The following C12orf50 variants were observed in gnomAD, a reference collection of about 807,000 sequenced individuals.
C12orf50 encodes uncharacterized protein C12orf50.
C12orf50 carries 35 observed loss-of-function variants against 61.6 expected under a neutral mutation model. The ratio of observed to expected loss-of-function variants is 0.57; its 90% CI spans 0.43 to 0.75. The LOEUF is 0.75. Among genes scored for constraint, C12orf50 ranks in the 30% least tolerant of loss-of-function variants. The pLI is 0.00. For synonymous variants in C12orf50, 178 were observed against 161.5 expected (o/e 1.10, Z -0.77); for missense variants, 475 against 488.5 (o/e 0.97, Z 0.26).
intron 3 of C12orf50, among the ~76,000 whole-genome samples, chr12:88,008,966 C>A (rs2031995471): frequency 6.6e-6 from 1 of 152,114 alleles, no homozygotes; most frequent in Admixed American, 6.5e-5. Flanking sequence ...TTAAATACAT[C>A]CTTACTCACC....
At chr12:87,984,706 T>C (rs1015972217) in intron 11 of C12orf50, 1 of 152,232 alleles carries the variant, frequency 6.6e-6, no homozygotes, top group African/African-American at 2.4e-5. Context: ...TCTCAAAGCA[T>C]GATCCGTAAT....
intron 12 of C12orf50, among the ~76,000 whole-genome samples, chr12:87,982,628 G>A (rs757450519): frequency 5.9e-5 from 9 of 152,082 alleles, no homozygotes; most frequent in African/African-American, 1.2e-4. Context: ...CTCCCAGAGC[G>A]CAGAGTTCCA....
chr12:87,989,953 C>G (rs1169174228), intron 7 of C12orf50, among the ~76,000 whole-genome samples: 1 of 152,102 alleles, frequency 6.6e-6, no homozygotes, highest in Non-Finnish European at 1.5e-5. Flanking sequence ...GAATCTGACC[C>G]TTTACTGAGT....
intron 12 of C12orf50, 147 bp from the exon 13 acceptor site, chr12:87,980,503 A>C: frequency 1.4e-6 from 1 of 701,654 alleles, no homozygotes; most frequent in Middle Eastern, 3.7e-4. Context: ...TCAAAATGCC[A>C]TTCAAATAGT....
At chr12:88,018,275 A>C (rs1363403037) in intron 3 of C12orf50, among the ~76,000 whole-genome samples, 2 of 152,188 alleles carry the variant, frequency 1.3e-5, no homozygotes, top group East Asian at 3.9e-4. Flanking sequence ...GATACAGCTC[A>C]GGCCGTGGTT....
At chr12:87,982,882 G>GT (rs2030579945) in intron 12 of C12orf50, among the ~76,000 whole-genome samples, 1 of 151,202 alleles carries the variant, frequency 6.6e-6, no homozygotes, top group South Asian at 2.1e-4. Context: ...GTATAAAAAC[G>GT]TTTTTGGGTA....
chr12:87,994,584 T>C, intron 7 of C12orf50, 49 bp downstream of exon 7: 1 of 1,253,220 alleles, frequency 8.0e-7, no homozygotes, highest in Non-Finnish European at 1.1e-6. Context: ...TCAGACTCAT[T>C]TATTATGTGG....
intron 3 of C12orf50, among the ~76,000 whole-genome samples, chr12:88,017,255 T>C (rs1436759156): frequency 2.0e-5 from 3 of 152,168 alleles, no homozygotes; most frequent in African/African-American, 7.2e-5. Flanking sequence ...GCCGTTCTCA[T>C]GATAGTGAAT....
At chr12:88,026,041 C>A (rs759889633) in intron 3 of C12orf50, among the ~76,000 whole-genome samples, 2 of 152,182 alleles carry the variant, frequency 1.3e-5, no homozygotes, top group Non-Finnish European at 2.9e-5. Flanking sequence ...AACCATCACA[C>A]ATAGCTGTTC....
At chr12:87,999,559 C>A (rs1343077656) in intron 3 of C12orf50, among the ~76,000 whole-genome samples, 1 of 152,166 alleles carries the variant, frequency 6.6e-6, no homozygotes, top group Non-Finnish European at 1.5e-5. Context: ...TCTTTGTACA[C>A]TGCAGTTGGG....
intron 3 of C12orf50, among the ~76,000 whole-genome samples, chr12:88,015,870 A>C (rs1052735713): frequency 6.6e-5 from 10 of 152,198 alleles, no homozygotes; most frequent in African/African-American, 2.4e-4. Context: ...AACCTTTTAA[A>C]ATTCACTAGC....
intron 3 of C12orf50, among the ~76,000 whole-genome samples, chr12:88,017,678 T>C (rs1350143208): frequency 6.6e-6 from 1 of 152,214 alleles, no homozygotes; most frequent in Non-Finnish European, 1.5e-5. Flanking sequence ...TGAATGGCTT[T>C]GACCAAAATG....
intron 3 of C12orf50, among the ~76,000 whole-genome samples, chr12:88,021,577 G>T (rs1033595164): frequency 2.0e-5 from 3 of 152,202 alleles, no homozygotes; most frequent in Admixed American, 6.5e-5. Context: ...ACCAGAGGTT[G>T]CAGTGAGCCA....
At chr12:88,017,370 C>A (rs1185857000) in intron 3 of C12orf50, among the ~76,000 whole-genome samples, 3 of 152,236 alleles carry the variant, frequency 2.0e-5, no homozygotes, top group East Asian at 1.9e-4. Flanking sequence ...TCCTCCTTGC[C>A]TTCCACCATG....
chr12:88,025,604 C>T (rs188450871), intron 3 of C12orf50, among the ~76,000 whole-genome samples: 13 of 152,040 alleles, frequency 8.6e-5, no homozygotes, highest in East Asian at 3.9e-4. Flanking sequence ...CTGGGTGTGG[C>T]GGTGCGTGCC....
upstream of C12orf50, among the ~76,000 whole-genome samples, chr12:88,029,985 A>C (rs1291849108): frequency 6.6e-6 from 1 of 151,574 alleles, no homozygotes; most frequent in Admixed American, 6.6e-5. Context: ...AAAACAAGGG[A>C]AATACTCTGA....
rs776232744 is a variant in C12orf50 at position 88,021,951 on chromosome 12, C to T, written c.133+4537G>A. Among the ~76,000 whole-genome samples, 59 of 151,332 alleles carry T rather than the reference C, an allele frequency of 3.9e-4. 1 individual carries two copies. Among genetic ancestry groups the T allele is most frequent in the Non-Finnish European group, 2.5e-4 (17 of 67,894 alleles). On this transcript the variant is annotated intron_variant, in intron 3 of 12. Transcript: ENST00000298699. ...GGTGCCATTCCTACTGAGACTATTT[C>T]AAAAAATTGAGGATGAAGGACTCCT... is the stretch of plus-strand genomic sequence containing the variant.
At chr12:88,011,480 G>T (rs2032107460) in intron 3 of C12orf50, among the ~76,000 whole-genome samples, 1 of 152,068 alleles carries the variant, frequency 6.6e-6, no homozygotes, top group South Asian at 2.1e-4. Context: ...TGATAACACT[G>T]ATTACTCACT....
chr12:87,993,535 A>G (rs2031234102), intron 7 of C12orf50, among the ~76,000 whole-genome samples: 1 of 152,226 alleles, frequency 6.6e-6, no homozygotes, highest in Admixed American at 6.5e-5. Flanking sequence ...CTGCAGATGT[A>G]AGAAAGGAGA....
Sources: allele counts gnomAD v4.1 joint callset (sites outside exome capture counted in the v4.1 genomes callset), GRCh38; gene constraint gnomAD v4.1.1; transcripts MANE v1.5; gene names NCBI Gene and HGNC (gene_info 2026-07-23, HGNC 2026-07-21).